UNK: variants seen among roughly 807,000 people sequenced by gnomAD.
UNK encodes the protein RING finger protein unkempt homolog.
UNK carries 32 observed loss-of-function variants against 97.6 expected under a neutral mutation model. The observed-to-expected ratio is 0.33, with a 90% CI of 0.25 to 0.44. The LOEUF (loss-of-function observed/expected upper bound fraction) is 0.44, where lower values mean the gene tolerates loss of function less well. Ranked by LOEUF, UNK falls within the 20% of genes least tolerant of loss-of-function variation. UNK has a pLI of 1.00. For missense variants in UNK, 771 were observed against 1,098.4 expected, an observed-to-expected ratio of 0.70 and a Z score of 4.21; for synonymous variants, 441 against 461.2, an observed-to-expected ratio of 0.96 and a Z score of 0.56.
intron 1 of UNK, among the ~76,000 whole-genome samples, chr17:75,809,512 C>T (rs1263646523): frequency 6.6e-6 from 1 of 152,244 alleles, no homozygotes; most frequent in Non-Finnish European, 1.5e-5. Flanking sequence ...GTCAACACAG[C>T]GGACAGCTGA....
intron 1 of UNK, among the ~76,000 whole-genome samples, chr17:75,799,190 T>C (rs2061834292): frequency 6.6e-6 from 1 of 152,132 alleles, no homozygotes; most frequent in African/African-American, 2.4e-5. Context: ...CAGGTGCCTG[T>C]AGTCCCAACT....
chr17:75,790,621 AC>A (rs2061755408), intron 1 of UNK, among the ~76,000 whole-genome samples: 1 of 151,966 alleles, frequency 6.6e-6, no homozygotes, highest in Non-Finnish European at 1.5e-5. Context: ...ACAGAGCAAG[AC>A]CCTATCTGAA....
In UNK at chr17:75,784,925, GC is replaced by G; in HGVS notation, c.50del (p.Pro17ArgfsTer21). 1.3e-6 allele frequency: 2 copies of G among 1,556,966 alleles called. No homozygotes were observed. The highest frequency in any genetic ancestry group is 1.7e-6 in the Non-Finnish European group (2 of 1,154,664). On this transcript the variant is annotated frameshift_variant, in exon 1 of 16. Transcript: ENST00000589666. LOFTEE classifies it high-confidence loss of function. ...CCGGCGGCTCCGCAGCTTCCTCGGCGCCCCCGGCCGCTACCGCTCAGGTGCT... is the reference window on the plus strand; with the variant it reads ...CCGGCGGCTCCGCAGCTTCCTCGGCGCCCCGGCCGCTACCGCTCAGGTGCT... The part of the protein sequence containing the change: ...GPGGSAASSA[P>X]PAATAQVLQA...
At chr17:75,790,228 CG>C (rs1289525285) in intron 1 of UNK, among the ~76,000 whole-genome samples, 2 of 151,694 alleles carry the variant, frequency 1.3e-5, no homozygotes, top group African/African-American at 4.8e-5. Context: ...ACCCAGGAGG[CG>C]GGGGTTGCAG....
rs1264142430 is a variant in UNK at position 75,819,809 on chromosome 17, C to A, written c.1648+24C>A. ...CGGTACTGGGTGTGGGTGGGCAGGG[C>A]AGCCTGGAGGACTCCTCGGGTTCCT... On this transcript the variant is annotated intron_variant, in intron 12 of 15. Coordinates refer to ENST00000589666, the MANE Select transcript of UNK (RefSeq NM_001080419.3). The surrounding 1 kb of genome is among the most constrained non-coding windows in gnomAD (Gnocchi z 5.4). 1.9e-6 allele frequency: 3 copies of A among 1,613,048 alleles called. No individual in the cohort carries two copies. Among genetic ancestry groups the A allele is most frequent in the Non-Finnish European group, 2.5e-6 (3 of 1,179,420 alleles).
chr17:75,796,484 A>G (rs894502894), intron 1 of UNK, among the ~76,000 whole-genome samples: 13 of 152,072 alleles, frequency 8.5e-5, no homozygotes, highest in African/African-American at 2.9e-4. Context: ...ATACCCGACT[A>G]ATTTTTTATT....
intron 1 of UNK, among the ~76,000 whole-genome samples, chr17:75,805,193 A>T (rs1402851942): frequency 6.6e-6 from 1 of 151,480 alleles, no homozygotes; most frequent in Non-Finnish European, 1.5e-5. Context: ...AAAAAAAAAA[A>T]AATATTATAT....
At position 75,788,324 on chromosome 17, in the gene UNK, C is replaced by T. The variant is rs1001937449; in HGVS notation, c.104+3340C>T. On this transcript the variant is annotated intron_variant, in intron 1 of 15. Coordinates refer to ENST00000589666, the MANE Select transcript of UNK (RefSeq NM_001080419.3). ...CTTCCTAAGTAGCTGGGACTGCAGGCACACGCCACCATGGCTGGCTAATTT... is the reference window on the plus strand; with the variant it reads ...CTTCCTAAGTAGCTGGGACTGCAGGTACACGCCACCATGGCTGGCTAATTT... 7.9e-5 allele frequency among the ~76,000 whole-genome samples: 12 copies of T among 151,950 alleles called. No individual in the cohort carries two copies. The East Asian group carries it at 2.1e-3, about 27-fold the overall frequency.
At chr17:75,822,193 G>A (rs182022858) in intron 13 of UNK, among the ~76,000 whole-genome samples, 105 of 152,290 alleles carry the variant, frequency 6.9e-4, no homozygotes, top group African/African-American at 1.5e-3. Context: ...TGAGTTACCC[G>A]GTGAGGCCAG....
Position 75,823,260 on chromosome 17 carries a change from C to T in UNK, c.2020-5C>T. The T allele has an allele frequency of 6.3e-7, 1 of 1,593,252 alleles. No individual in the cohort carries two copies. The highest frequency in any genetic ancestry group is 1.1e-5 in the South Asian group (1 of 89,804). On this transcript the variant is annotated splice_polypyrimidine_tract_variant and splice_region_variant and intron_variant, in intron 14 of 15. Coordinates refer to ENST00000589666, the MANE Select transcript of UNK (RefSeq NM_001080419.3). ...TTGTGATGAGACTGTATGCTGGCCCCACAGGCTTGTGATGCCTGGAAGAAA... is the reference window on the plus strand; with the variant it reads ...TTGTGATGAGACTGTATGCTGGCCCTACAGGCTTGTGATGCCTGGAAGAAA...
chr17:75,819,858 G>C lies in UNK; in HGVS notation c.1649-62G>C, dbSNP rs2062050513. Reference sequence around the variant, plus strand: ...CTGCCTGGCTCAGGCCCCTTGCTCTGTGTGGCCCGCCTGGCTTCCGCTGCC... The same window carrying C: ...CTGCCTGGCTCAGGCCCCTTGCTCTCTGTGGCCCGCCTGGCTTCCGCTGCC... On this transcript the variant is annotated intron_variant, in intron 12 of 15. Coordinates refer to ENST00000589666, the MANE Select transcript of UNK (RefSeq NM_001080419.3). This position sits in a 1 kb window ranked among gnomAD's most constrained non-coding sequence, Gnocchi z 5.4. 6.2e-7 allele frequency: 1 copy of C among 1,605,636 alleles called. No individual in the cohort carries two copies. The highest frequency in any genetic ancestry group is 1.3e-5 in the African/African-American group (1 of 74,814).
intron 14 of UNK, 106 bp downstream of exon 14, chr17:75,822,764 G>T: frequency 7.5e-7 from 1 of 1,327,952 alleles, no homozygotes; most frequent in Non-Finnish European, 9.9e-7. Flanking sequence ...GGGGCTGGAA[G>T]AACAGAGCAG....
Position 75,817,524 on chromosome 17 carries a change from CAGGTA to C in UNK, c.1305+2_1305+6del. The C allele has an allele frequency of 6.2e-7, 1 of 1,606,130 alleles. No individual in the cohort carries two copies. ...CGAGTACCTGAAAAATTTCAAATGC[CAGGTA>C]AGGGATGAGGGAGGCAGCAGTGAGG... On this transcript the variant is annotated splice_donor_variant and splice_donor_region_variant and coding_sequence_variant and intron_variant, in exon 9 of 16. Coordinates refer to ENST00000589666, the MANE Select transcript of UNK (RefSeq NM_001080419.3). LOFTEE classifies it high-confidence loss of function. The surrounding 1 kb of genome is among the most constrained non-coding windows in gnomAD (Gnocchi z 5.8).
chr17:75,804,923 G>A lies in UNK; in HGVS notation c.105-4837G>A, dbSNP rs979562206. Among the ~76,000 whole-genome samples the A allele has an allele frequency of 2.0e-5, 3 of 152,260 alleles. No homozygotes were observed. In the East Asian group the frequency reaches 5.8e-4, roughly 29 times the overall value. ...AAAATTATATTCTTGGCCGGGTGCA[G>A]TGGCTCACGCCTGTAATCCCAGCAC... On this transcript the variant is annotated intron_variant, in intron 1 of 15. Coordinates refer to ENST00000589666, the MANE Select transcript of UNK (RefSeq NM_001080419.3).
chr17:75,820,221 A>G, intron 13 of UNK, 113 bp downstream of exon 13: 3 of 1,149,826 alleles, frequency 2.6e-6, no homozygotes, highest in Non-Finnish European at 3.7e-6. Flanking sequence ...GTTAGGGCAG[A>G]GGCCTTGGGC....
Position 75,816,929 on chromosome 17 carries a change from G to A in UNK, c.1104+17G>A. 6.3e-7 allele frequency: 1 copy of A among 1,592,478 alleles called. No homozygotes were observed. Among genetic ancestry groups the A allele is most frequent in the Non-Finnish European group, 8.5e-7 (1 of 1,174,818 alleles). ...CTCAGTGCCGTACGTGTCCATCCTGGGGAGTGGGTGGGCACCATGCCTGAC... is the reference window on the plus strand; with the variant it reads ...CTCAGTGCCGTACGTGTCCATCCTGAGGAGTGGGTGGGCACCATGCCTGAC... On this transcript the variant is annotated intron_variant, in intron 8 of 15. Coordinates refer to ENST00000589666, the MANE Select transcript of UNK (RefSeq NM_001080419.3). This position sits in a 1 kb window ranked among gnomAD's most constrained non-coding sequence, Gnocchi z 4.0.
chr17:75,805,924 A>G (rs1176335592), intron 1 of UNK, among the ~76,000 whole-genome samples: 1 of 151,788 alleles, frequency 6.6e-6, no homozygotes, highest in African/African-American at 2.4e-5. Flanking sequence ...GGATCCCCCA[A>G]CTTTGCAAAT....
In UNK at chr17:75,807,453, G is replaced by GTATT. The variant is rs1236098724; in HGVS notation, c.105-2293_105-2290dup. 9.9e-5 allele frequency among the ~76,000 whole-genome samples: 15 copies of GTATT among 152,254 alleles called. No individual in the cohort carries two copies. In the East Asian group the frequency reaches 1.2e-3, roughly 12 times the overall value. On this transcript the variant is annotated intron_variant, in intron 1 of 15. Coordinates refer to ENST00000589666, the MANE Select transcript of UNK (RefSeq NM_001080419.3). The stretch of plus-strand genomic sequence containing the variant: ...GGAAACAGATAATTTATGTATTTAT[G>GTATT]TATTTATTTATTTATTTTTGAGATG...
intron 1 of UNK, among the ~76,000 whole-genome samples, chr17:75,795,845 C>A (rs577982862): frequency 6.6e-6 from 1 of 152,312 alleles, no homozygotes; most frequent in South Asian, 2.1e-4. Flanking sequence ...TAATTGCACA[C>A]CCTTCCTGGC....
Sources: allele counts gnomAD v4.1 joint callset (sites outside exome capture counted in the v4.1 genomes callset), GRCh38; gene constraint gnomAD v4.1.1; non-coding constraint Gnocchi (gnomAD v3.1); transcripts MANE v1.5; gene names NCBI Gene and HGNC (gene_info 2026-07-23, HGNC 2026-07-21).